The following RIPOR3 variants were observed in gnomAD, a reference collection of about 807,000 sequenced individuals.
The protein encoded by RIPOR3 is family with sequence similarity 65 member C.
RIPOR3 carries 95 observed loss-of-function variants against 114.3 expected under a neutral mutation model. That is an observed-to-expected ratio of 0.83 (90% confidence interval 0.70 to 0.99). The LOEUF (loss-of-function observed/expected upper bound fraction) is 0.99. RIPOR3 is among the 50% of genes least tolerant of loss of function. The probability of loss-of-function intolerance (pLI) is 0.00; values close to 1 mark genes in which losing one functional copy is unlikely to be tolerated. For missense variants in RIPOR3, 1,252 were observed against 1,266.9 expected, an observed-to-expected ratio of 0.99 and a Z score of 0.18; for synonymous variants, 575 against 543.8, an observed-to-expected ratio of 1.06 and a Z score of -0.80.
At chr20:50,603,343 A>G (rs971963717) in intron 12 of RIPOR3, among the ~76,000 whole-genome samples, 3 of 152,136 alleles carry the variant, frequency 2.0e-5, no homozygotes, top group Non-Finnish European at 4.4e-5. Context: ...GGCTCAAGCA[A>G]TTCTCCTGCC....
intron 1 of RIPOR3, among the ~76,000 whole-genome samples, chr20:50,670,666 G>C (rs1266976314): frequency 6.6e-6 from 1 of 152,170 alleles, no homozygotes; most frequent in Non-Finnish European, 1.5e-5. Flanking sequence ...GGAGCATTGT[G>C]TTAGTAGGCG....
chr20:50,592,195 T>G (rs2083127878), intron 19 of RIPOR3, 149 bp downstream of exon 19: 1 of 714,808 alleles, frequency 1.4e-6, no homozygotes, highest in South Asian at 2.8e-5. Flanking sequence ...TCATGTGTGT[T>G]AGATCGTAGC....
intron 14 of RIPOR3, 68 bp from the exon 15 acceptor site, chr20:50,596,331 C>T: frequency 1.3e-6 from 2 of 1,597,712 alleles, no homozygotes; most frequent in African/African-American, 1.3e-5. Flanking sequence ...GGTGGGGGAA[C>T]CCTCCCTTCC....
In RIPOR3 at chr20:50,602,489, G is replaced by A. The variant is rs987997210; in HGVS notation, c.1242C>T (p.Asp414=). The change falls in exon 13 of 22, where the codon GAC becomes GAT. Residue 414 remains aspartate, a synonymous_variant. Coordinates refer to ENST00000327979, the MANE Select transcript of RIPOR3 (RefSeq NM_001290268.2). The surrounding 1 kb of genome is among the most constrained non-coding windows in gnomAD (Gnocchi z 4.3). The stretch of plus-strand genomic sequence containing the variant: ...ACGTGCTGGTCTCCGTGTCTCGGGG[G>A]TCCTCAGAGCTGAAGGAGTCCATCT... The part of the protein sequence containing the change: ...LPEMDSFSSE[D]PRDTETSTSA... The A allele has an allele frequency of 1.3e-6, 2 of 1,561,814 alleles. No homozygotes were observed. The highest frequency in any genetic ancestry group is 3.8e-5 in the Admixed American group (2 of 52,870).
At chr20:50,589,603 A>T in intron 20 of RIPOR3, 83 bp downstream of exon 20, 1 of 1,415,802 alleles carries the variant, frequency 7.1e-7, no homozygotes. Flanking sequence ...GCCCCAGTGG[A>T]ATCATTTTGA....
At chr20:50,682,634 A>ATGTGTGTGTGTG (rs1209705687) in intron 1 of RIPOR3, among the ~76,000 whole-genome samples, 1 of 24,110 alleles carries the variant, frequency 4.1e-5, no homozygotes, top group African/African-American at 7.5e-5. Context: ...GTGTGTCTGC[A>ATGTGTGTGTGTG]TGTATGTGCC....
intron 1 of RIPOR3, among the ~76,000 whole-genome samples, chr20:50,667,824 C>T (rs1015236652): frequency 6.6e-6 from 1 of 152,280 alleles, no homozygotes; most frequent in Admixed American, 6.5e-5. Context: ...ATCACATAGA[C>T]CTGGGACACG....
rs550676289 is a variant in RIPOR3 at position 50,686,849 on chromosome 20, C to T, written c.3+4277G>A. ...CTCCTCTTGTATTGCAGTTGCGTTT[C>T]TCTTAGCTAATGTCCCACCTGGGCC... On this transcript the variant is annotated intron_variant, in intron 1 of 21. Transcript: ENST00000327979. 5.5e-4 allele frequency among the ~76,000 whole-genome samples: 84 copies of T among 152,234 alleles called. 1 individual carries two copies. Among genetic ancestry groups the T allele is most frequent in the Middle Eastern group, 3.4e-3 (1 of 294 alleles).
chr20:50,610,882 T>G lies in RIPOR3; in HGVS notation c.397A>C (p.Ile133Leu). The change falls in exon 6 of 22, where the codon ATT becomes CTT. Residue 133 changes from isoleucine to leucine, a missense_variant. Coordinates refer to ENST00000327979, the MANE Select transcript of RIPOR3 (RefSeq NM_001290268.2). ...CTGATGTGAAACTCCATCTTCCGAA[T>G]GTGCCTTTCCACACAGCGCGTTTGC... ...DKQTRCVERH[I>L]RKMEFHISKV... The G allele has an allele frequency of 6.2e-7, 1 of 1,614,202 alleles. No individual in the cohort carries two copies. Among genetic ancestry groups the G allele is most frequent in the Non-Finnish European group, 8.5e-7 (1 of 1,180,036 alleles).
chr20:50,594,976 G>T, intron 16 of RIPOR3: 1 of 515,200 alleles, frequency 1.9e-6, no homozygotes, highest in Non-Finnish European at 3.5e-6. Context: ...AAGGAACCTG[G>T]CCTTCTGAGG....
chr20:50,629,657 C>T (rs2084749349), intron 2 of RIPOR3, among the ~76,000 whole-genome samples: 1 of 152,208 alleles, frequency 6.6e-6, no homozygotes, highest in Admixed American at 6.5e-5. Context: ...CATCCGGTAA[C>T]CCCCCACAGC....
chr20:50,686,951 C>A (rs887847327), intron 1 of RIPOR3, among the ~76,000 whole-genome samples: 19 of 152,088 alleles, frequency 1.2e-4, no homozygotes, highest in Non-Finnish European at 2.5e-4. Flanking sequence ...CTGGCTTAGG[C>A]CCTTAAAACT....
At chr20:50,688,885 TG>T (rs1437419414) in intron 1 of RIPOR3, among the ~76,000 whole-genome samples, 1 of 152,098 alleles carries the variant, frequency 6.6e-6, no homozygotes, top group Non-Finnish European at 1.5e-5. Flanking sequence ...TGGGGGACCC[TG>T]GGGGGAGCAC....
rs140868676 is a variant in RIPOR3, at chr20:50,595,328, C to T, written c.2050+41G>A. On this transcript the variant is annotated intron_variant, in intron 16 of 21. Coordinates refer to ENST00000327979, the MANE Select transcript of RIPOR3 (RefSeq NM_001290268.2). ...CCGAGCTTTGATCCCGTCCCCGTGCCGCTCACATAGGCAGCCCCTGGGTGG... is the reference window on the plus strand; with the variant it reads ...CCGAGCTTTGATCCCGTCCCCGTGCTGCTCACATAGGCAGCCCCTGGGTGG... 6.4e-4 allele frequency: 1,019 copies of T among 1,600,452 alleles called. 5 individuals are homozygous for T. In the African/African-American group the frequency reaches 0.011, roughly 17 times the overall value.
Position 50,594,635 on chromosome 20 carries a change from G to GCAGGA in RIPOR3, c.2125_2129dup (p.Thr713LeufsTer6). 6.2e-7 allele frequency: 1 copy of GCAGGA among 1,613,804 alleles called. No homozygotes were observed. Among genetic ancestry groups the GCAGGA allele is most frequent in the Non-Finnish European group, 8.5e-7 (1 of 1,179,960 alleles). On this transcript the variant is annotated frameshift_variant, in exon 17 of 22. Coordinates refer to ENST00000327979, the MANE Select transcript of RIPOR3 (RefSeq NM_001290268.2). LOFTEE classifies it high-confidence loss of function. ...GCTGGTTCAGCAGCGTCGTGGCAGG[G>GCAGGA]CAGGACAGGACCCTGCCAGGCCCTG...
rs147859198 is a variant in RIPOR3 at position 50,605,125 on chromosome 20, G to A, written c.957-351C>T. On this transcript the variant is annotated intron_variant, in intron 11 of 21. Transcript: ENST00000327979. Reference sequence around the variant, plus strand: ...TATTTTTATTTTTTGTAAAGACAGCGTCTTGCCATGTTGCCCAGGCTGGTC... The same window carrying A: ...TATTTTTATTTTTTGTAAAGACAGCATCTTGCCATGTTGCCCAGGCTGGTC... Among the ~76,000 whole-genome samples the A allele has an allele frequency of 4.9e-3, 747 of 152,122 alleles. 5 individuals carry two copies. The highest frequency in any genetic ancestry group is 0.017 in the African/African-American group (709 of 41,476).
chr20:50,630,901 C>A (rs772390252), intron 1 of RIPOR3, 45 bp from the exon 2 acceptor site: 9 of 1,490,790 alleles, frequency 6.0e-6, no homozygotes, highest in Non-Finnish European at 7.3e-6. Context: ...CACCATCCAG[C>A]GAGTGCCGTC....
At chr20:50,597,363 G>A (rs2122928438) in intron 14 of RIPOR3, 1 of 613,262 alleles carries the variant, frequency 1.6e-6, no homozygotes, top group Non-Finnish European at 2.8e-6. Context: ...GGGGCAGGCT[G>A]GGGTGATCTC....
intron 1 of RIPOR3, among the ~76,000 whole-genome samples, chr20:50,631,509 G>C (rs1242275517): frequency 6.6e-6 from 1 of 152,242 alleles, no homozygotes; most frequent in Admixed American, 6.5e-5. Context: ...GTGGGCTAAA[G>C]ACGAGGTCAG....
Sources: gnomAD v4.1 joint callset for allele counts (sites outside exome capture counted in the v4.1 genomes callset) on GRCh38, gnomAD v4.1.1 for gene constraint, Gnocchi (gnomAD v3.1) non-coding constraint, MANE v1.5 for transcripts, NCBI Gene and HGNC (gene_info 2026-07-23, HGNC 2026-07-21) for gene names.